Variants in GRID2 observed in about 807,000 individuals in gnomAD.
GRID2 encodes glutamate ionotropic receptor delta type subunit 2.
GRID2 carries 33 observed loss-of-function variants against 114.8 expected under a neutral mutation model. The ratio of observed to expected loss-of-function variants is 0.29; its 90% CI spans 0.22 to 0.38. The LOEUF (loss-of-function observed/expected upper bound fraction) is 0.38. Ranked by LOEUF, GRID2 falls within the 10% of genes least tolerant of loss-of-function variation. The probability of loss-of-function intolerance (pLI) is 1.00; values close to 1 mark genes in which losing one functional copy is unlikely to be tolerated. For synonymous variants in GRID2, 505 were observed against 449.9 expected (o/e 1.12, Z -1.55); for missense variants, 1,184 against 1,257.7 (o/e 0.94, Z 0.89).
chr4:93,108,207 T>C (rs1732432891), intron 3 of GRID2, among the ~76,000 whole-genome samples: 1 of 152,224 alleles, frequency 6.6e-6, no homozygotes. Flanking sequence ...CCTCACCCTA[T>C]TATCATCTAC....
intron 2 of GRID2, among the ~76,000 whole-genome samples, chr4:92,755,041 G>A (rs1409480713): frequency 6.6e-6 from 1 of 152,108 alleles, no homozygotes; most frequent in East Asian, 1.9e-4. Context: ...CTACAAAGAG[G>A]GAAACATGAT....
At chr4:92,631,960 A>G (rs760231711) in intron 2 of GRID2, among the ~76,000 whole-genome samples, 4 of 152,164 alleles carry the variant, frequency 2.6e-5, no homozygotes, top group Non-Finnish European at 5.9e-5. Context: ...TGTTACTGTA[A>G]TCAACTACAA....
intron 2 of GRID2, among the ~76,000 whole-genome samples, chr4:92,662,689 A>G (rs1732580360): frequency 6.6e-6 from 1 of 151,160 alleles, no homozygotes; most frequent in African/African-American, 2.4e-5. Flanking sequence ...ACAAACTGGG[A>G]AAAGTAGAGG....
chr4:92,315,968 CT>C (rs1294255437), intron 1 of GRID2, among the ~76,000 whole-genome samples: 4 of 87,206 alleles, frequency 4.6e-5, no homozygotes, highest in African/African-American at 2.3e-4. Flanking sequence ...GAAACTCCAA[CT>C]CAAAAAAAAA....
chr4:93,493,397 G>T (rs967310246), intron 12 of GRID2, among the ~76,000 whole-genome samples: 13 of 151,770 alleles, frequency 8.6e-5, no homozygotes, highest in Middle Eastern at 3.4e-3. Context: ...AATAATACAA[G>T]TACTCTTCTT....
At chr4:92,492,427 AG>A (rs1449131498) in intron 1 of GRID2, among the ~76,000 whole-genome samples, 1 of 152,222 alleles carries the variant, frequency 6.6e-6, no homozygotes, top group Non-Finnish European at 1.5e-5. Flanking sequence ...TTCTGTAATC[AG>A]GCAATTGTAT....
chr4:92,796,372 T>C (rs1207183227), intron 2 of GRID2, among the ~76,000 whole-genome samples: 2 of 151,896 alleles, frequency 1.3e-5, no homozygotes, highest in African/African-American at 4.8e-5. Flanking sequence ...GGACAATCAA[T>C]GGAACCAGTA....
At chr4:93,019,582 A>G (rs1723085265) in intron 2 of GRID2, among the ~76,000 whole-genome samples, 2 of 152,176 alleles carry the variant, frequency 1.3e-5, no homozygotes, top group African/African-American at 4.8e-5. Context: ...CTTAAAAATA[A>G]TAAAAAAGGG....
At chr4:93,108,134 T>C (rs1319923554) in intron 3 of GRID2, among the ~76,000 whole-genome samples, 1 of 152,168 alleles carries the variant, frequency 6.6e-6, no homozygotes, top group Non-Finnish European at 1.5e-5. Flanking sequence ...TCTTATACTT[T>C]ACCTCAGAGT....
At chr4:93,707,881 G>A (rs2110158184) in intron 14 of GRID2, among the ~76,000 whole-genome samples, 1 of 151,852 alleles carries the variant, frequency 6.6e-6, no homozygotes, top group East Asian at 1.9e-4. Flanking sequence ...GTTTTGGTAT[G>A]TTTTGTTTCC....
chr4:93,510,537 A>G (rs1578156762), intron 12 of GRID2, among the ~76,000 whole-genome samples: 1 of 152,346 alleles, frequency 6.6e-6, no homozygotes, highest in East Asian at 1.9e-4. Context: ...TCATTAATAT[A>G]AAATTGTATA....
intron 14 of GRID2, among the ~76,000 whole-genome samples, chr4:93,638,301 C>CTTTTTTTTTTTTTTTT (rs1184003180): frequency 3.9e-5 from 3 of 77,312 alleles, no homozygotes; most frequent in East Asian, 4.7e-4. Flanking sequence ...AAACTTGCAT[C>CTTTTTTTTTTTTTTTT]TTTTTTTTTT....
At chr4:92,920,984 C>T (rs1305351366) in intron 2 of GRID2, among the ~76,000 whole-genome samples, 1 of 152,246 alleles carries the variant, frequency 6.6e-6, no homozygotes, top group East Asian at 1.9e-4. Context: ...TTCAGGTACA[C>T]CAATCAGACG....
At chr4:93,342,228 C>A (rs757563271) in intron 8 of GRID2, among the ~76,000 whole-genome samples, 1 of 152,154 alleles carries the variant, frequency 6.6e-6, no homozygotes, top group African/African-American at 2.4e-5. Flanking sequence ...CTAGACCCTG[C>A]CTAATTTTCC....
At chr4:93,480,400 C>T (rs189717172) in intron 11 of GRID2, among the ~76,000 whole-genome samples, 32 of 152,146 alleles carry the variant, frequency 2.1e-4, no homozygotes, top group African/African-American at 6.5e-4. Context: ...GCAATTGAGG[C>T]TAGATTTCTG....
intron 11 of GRID2, among the ~76,000 whole-genome samples, chr4:93,461,314 A>C (rs1723717999): frequency 6.6e-6 from 1 of 152,162 alleles, no homozygotes; most frequent in African/African-American, 2.4e-5. Flanking sequence ...GCTCTGATTA[A>C]AAATAAATGA....
At chr4:92,365,781 A>G (rs1033008666) in intron 1 of GRID2, among the ~76,000 whole-genome samples, 4 of 152,040 alleles carry the variant, frequency 2.6e-5, no homozygotes, top group African/African-American at 9.7e-5. Context: ...TTATAAAATA[A>G]TATTAACCAA....
chr4:93,472,918 CAG>C (rs1724978015), intron 11 of GRID2, among the ~76,000 whole-genome samples: 1 of 151,994 alleles, frequency 6.6e-6, no homozygotes, highest in African/African-American at 2.4e-5. Flanking sequence ...ACAACAAAAA[CAG>C]AAGAAGGAAT....
intron 2 of GRID2, among the ~76,000 whole-genome samples, chr4:92,628,740 C>T (rs1196019253): frequency 1.3e-5 from 2 of 152,100 alleles, no homozygotes; most frequent in Non-Finnish European, 2.9e-5. Flanking sequence ...GGACTCATGC[C>T]TCCAATCTGG....
Sources: allele counts gnomAD v4.1 joint callset (sites outside exome capture counted in the v4.1 genomes callset), GRCh38; gene constraint gnomAD v4.1.1; transcripts MANE v1.5; gene names NCBI Gene and HGNC (gene_info 2026-07-23, HGNC 2026-07-21).